The following RBMS3 variants were observed in gnomAD, a reference collection of about 807,000 sequenced individuals.
RBMS3 encodes RNA binding motif single stranded interacting protein 3.
In RBMS3, 27 loss-of-function variants were observed where a neutral mutation model predicts 66.8. The ratio of observed to expected loss-of-function variants is 0.40; its 90% CI spans 0.30 to 0.56. The LOEUF is 0.56. Ranked by LOEUF, RBMS3 falls within the 20% of genes least tolerant of loss-of-function variation. The pLI, the probability that RBMS3 is intolerant of heterozygous loss-of-function variation, is 0.40. For missense variants in RBMS3, 513 were observed against 549.5 expected (o/e 0.93, Z 0.66); for synonymous variants, 188 against 183.0 (o/e 1.03, Z -0.22).
intron 3 of RBMS3, among the ~76,000 whole-genome samples, chr3:29,508,776 C>G (rs190834144): frequency 1.3e-5 from 2 of 151,546 alleles, no homozygotes; most frequent in East Asian, 4.1e-4. Context: ...AATCACCACA[C>G]TGTCTTCCAC....
At position 30,004,022 on chromosome 3, in the gene RBMS3, G is replaced by C; in HGVS notation, c.*160G>C. ...TTATACCTTACCCAATGAAAGCAAA[G>C]TTTTTATGTGCTGTGCAAATGGTCT... On this transcript the variant is annotated 3_prime_UTR_variant, in exon 15 of 15. Coordinates refer to ENST00000383767, the MANE Select transcript of RBMS3 (RefSeq NM_001003793.3). The C allele has an allele frequency of 2.2e-6, 1 of 456,460 alleles. No homozygotes were observed. Among genetic ancestry groups the C allele is most frequent in the Non-Finnish European group, 3.6e-6 (1 of 275,500 alleles). The allele number at this position is 456,460 out of a possible 1,614,324, so 28.3% of individuals were successfully genotyped here. A position where few individuals can be genotyped will look rare whatever the true frequency, so the allele number is the denominator to read the frequency against.
At chr3:29,360,784 C>G (rs1049599195) in intron 1 of RBMS3, among the ~76,000 whole-genome samples, 4 of 151,962 alleles carry the variant, frequency 2.6e-5, no homozygotes, top group African/African-American at 9.7e-5. Context: ...TTGAATTGAT[C>G]CCTTTACCAT....
intron 10 of RBMS3, among the ~76,000 whole-genome samples, chr3:29,913,425 A>G (rs1289791267): frequency 6.6e-6 from 1 of 151,956 alleles, no homozygotes; most frequent in African/African-American, 2.4e-5. Flanking sequence ...TATGCATAAT[A>G]TTTTACAAAT....
chr3:29,823,089 T>A (rs2058113338), intron 6 of RBMS3, among the ~76,000 whole-genome samples: 1 of 152,148 alleles, frequency 6.6e-6, no homozygotes, highest in Non-Finnish European at 1.5e-5. Context: ...AGCTTAACTT[T>A]AAAAATTACT....
At chr3:29,529,571 A>G (rs1398810743) in intron 3 of RBMS3, among the ~76,000 whole-genome samples, 1 of 152,202 alleles carries the variant, frequency 6.6e-6, no homozygotes, top group Admixed American at 6.5e-5. Flanking sequence ...AGATATACAT[A>G]GAGTATATAT....
chr3:29,550,544 TATA>T (rs2046146912), intron 3 of RBMS3, among the ~76,000 whole-genome samples: 2 of 152,160 alleles, frequency 1.3e-5, no homozygotes, highest in South Asian at 2.1e-4. Context: ...GCGTATAGTG[TATA>T]ATATTTATAA....
At position 29,527,181 on chromosome 3, in the gene RBMS3, T is replaced by TTAAAAAAAAAAAAAAAAAAAAAAAAA. The variant is rs1491567884; in HGVS notation, c.307+38682_307+38683insTAAAAAAAAAAAAAAAAAAAAAAAAA. On this transcript the variant is annotated intron_variant, in intron 3 of 14. Transcript: ENST00000383767. Reference sequence around the variant, plus strand: ...TTTCAGACGTGATTGTTAGGTAGAGTAAAAAAAAAAAAAAAAAAAAAAAAA... The same window carrying TTAAAAAAAAAAAAAAAAAAAAAAAAA: ...TTTCAGACGTGATTGTTAGGTAGAGTTAAAAAAAAAAAAAAAAAAAAAAAAAAAAAAAAAAAAAAAAAAAAAAAAAA... 5.1e-4 allele frequency among the ~76,000 whole-genome samples: 45 copies of TTAAAAAAAAAAAAAAAAAAAAAAAAA among 87,822 alleles called. 3 individuals carry two copies. The highest frequency in any genetic ancestry group is 1.0e-3 in the African/African-American group (21 of 21,076). 57.6% of individuals were successfully genotyped at this position (87,822 alleles called of 152,430 possible).
chr3:29,957,385 C>G (rs892693232), intron 12 of RBMS3, among the ~76,000 whole-genome samples: 2 of 152,110 alleles, frequency 1.3e-5, no homozygotes, highest in Admixed American at 1.3e-4. Flanking sequence ...GTTAGACACA[C>G]ATTCTACATA....
At chr3:29,531,650 C>T (rs765799307) in intron 3 of RBMS3, among the ~76,000 whole-genome samples, 10 of 152,100 alleles carry the variant, frequency 6.6e-5, no homozygotes, top group South Asian at 4.1e-4. Context: ...TGTTAATAAC[C>T]GCCCTTCCCT....
chr3:29,944,101 G>C, intron 11 of RBMS3, 106 bp from the exon 12 acceptor site: 1 of 1,004,928 alleles, frequency 1.0e-6, no homozygotes, highest in Non-Finnish European at 1.5e-6. Context: ...GGGTGGGTCA[G>C]GCAACCATAT....
chr3:29,457,686 C>T (rs1209232532), intron 2 of RBMS3, among the ~76,000 whole-genome samples: 7 of 152,182 alleles, frequency 4.6e-5, no homozygotes, highest in Non-Finnish European at 8.8e-5. Flanking sequence ...CTTGCCCCTG[C>T]ACTCCACCCT....
At chr3:29,308,937 C>G (rs1468475193) in intron 1 of RBMS3, among the ~76,000 whole-genome samples, 2 of 151,358 alleles carry the variant, frequency 1.3e-5, no homozygotes, top group Non-Finnish European at 3.0e-5. Flanking sequence ...TATTATCTAA[C>G]AATGATTTCA....
In RBMS3 at chr3:29,344,047, A is replaced by G. The variant is rs116347988; in HGVS notation, c.75+62291A>G. On this transcript the variant is annotated intron_variant, in intron 1 of 14. Coordinates refer to ENST00000383767, the MANE Select transcript of RBMS3 (RefSeq NM_001003793.3). ...TGGTGAAGCTGCCATTTGGACTTAG[A>G]TCTCTTTCCTAAGTCTCTATTATTG... Among the ~76,000 whole-genome samples, 858 of 152,330 alleles carry G rather than the reference A, an allele frequency of 5.6e-3. 7 individuals carry two copies. Among genetic ancestry groups the G allele is most frequent in the African/African-American group, 0.02 (820 of 41,584 alleles).
chr3:29,668,122 C>G (rs1036269410), intron 4 of RBMS3, among the ~76,000 whole-genome samples: 3 of 152,124 alleles, frequency 2.0e-5, no homozygotes, highest in South Asian at 2.1e-4. Flanking sequence ...CAGAAAAACA[C>G]AAAACACTCT....
At chr3:29,326,214 A>G (rs77935688) in intron 1 of RBMS3, among the ~76,000 whole-genome samples, 6,063 of 152,230 alleles carry the variant, frequency 0.04, 151 homozygotes, top group South Asian at 0.069. Flanking sequence ...CACTGGCTAC[A>G]TAATATATAT....
At chr3:29,901,133 A>T (rs894810417) in intron 10 of RBMS3, among the ~76,000 whole-genome samples, 5 of 151,718 alleles carry the variant, frequency 3.3e-5, no homozygotes, top group Non-Finnish European at 7.4e-5. Context: ...GAGTTCATCT[A>T]GTCTATGTTC....
intron 3 of RBMS3, among the ~76,000 whole-genome samples, chr3:29,505,507 TTTTTTTTTTTTGTTG>T (rs971810746): frequency 1.1e-4 from 10 of 89,154 alleles, no homozygotes; most frequent in African/African-American, 4.1e-4. Context: ...TTCAATTTTG[TTTTTTTTTTTTGTTG>T]TTTGTTTGTT....
At chr3:29,657,830 T>G (rs1472707072) in intron 4 of RBMS3, among the ~76,000 whole-genome samples, 1 of 152,276 alleles carries the variant, frequency 6.6e-6, no homozygotes, top group South Asian at 2.1e-4. Flanking sequence ...AAAGAAAAGA[T>G]AAATACACAT....
chr3:29,699,536 T>C (rs2052447510), intron 4 of RBMS3, among the ~76,000 whole-genome samples: 1 of 152,146 alleles, frequency 6.6e-6, no homozygotes, highest in Non-Finnish European at 1.5e-5. Context: ...TTATTAACTC[T>C]TTCCAGCTTT....
Sources: allele counts gnomAD v4.1 joint callset (sites outside exome capture counted in the v4.1 genomes callset), GRCh38; gene constraint gnomAD v4.1.1; transcripts MANE v1.5; gene names NCBI Gene and HGNC (gene_info 2026-07-23, HGNC 2026-07-21).